The following CIB2 variants were observed in gnomAD, a reference collection of about 807,000 sequenced individuals.
The protein encoded by CIB2 is calcium and integrin-binding family member 2.
Under a neutral mutation model 23.1 loss-of-function variants are expected in CIB2, and 19 were observed. The ratio of observed to expected loss-of-function variants is 0.82; its 90% confidence interval spans 0.57 to 1.21. CIB2 has a LOEUF of 1.21. Among genes scored for constraint, CIB2 ranks in the 50% most tolerant of loss-of-function variants. The probability of loss-of-function intolerance (pLI) is 0.00; values close to 1 mark genes in which losing one functional copy is unlikely to be tolerated. For synonymous variants in CIB2, 94 were observed against 91.7 expected (o/e 1.03, Z -0.14); for missense variants, 220 against 241.5 (o/e 0.91, Z 0.59).
At chr15:78,116,397 TTTGAGGC>T in intron 2 of CIB2, among the ~76,000 whole-genome samples, 1 of 151,800 alleles carries the variant, frequency 6.6e-6, no homozygotes, top group Non-Finnish European at 1.5e-5. Flanking sequence ...AGCCCAGGAG[TTTGAGGC>T]TGCAGTGAGC....
In CIB2 at chr15:78,111,519, C is replaced by A. The variant is rs184303718; in HGVS notation, c.87-243G>T. Among the ~76,000 whole-genome samples, 179 of 152,288 alleles carry A rather than the reference C, an allele frequency of 1.2e-3. 1 individual carries two copies. Among genetic ancestry groups the A allele is most frequent in the Admixed American group, 3.2e-3 (49 of 15,304 alleles). ...GGCCTCCCTATTTCCACCACACCCA[C>A]CCCATCAGCACCACCACCATCACTC... On this transcript the variant is annotated intron_variant, in intron 2 of 5. Transcript: ENST00000258930.
intron 2 of CIB2, 45 bp downstream of exon 2, chr15:78,123,660 G>C (rs2074347127): frequency 1.2e-6 from 2 of 1,609,764 alleles, no homozygotes; most frequent in East Asian, 2.2e-5. Flanking sequence ...CCTCACCCCG[G>C]CCCCAGTCCC....
intron 1 of CIB2, among the ~76,000 whole-genome samples, chr15:78,125,876 G>A (rs1257120699): frequency 2.0e-5 from 3 of 152,144 alleles, no homozygotes; most frequent in African/African-American, 7.2e-5. Flanking sequence ...TGTTTTCAAA[G>A]CCACTCAGGT....
At chr15:78,110,615 T>A (rs144772858) in intron 3 of CIB2, 118 of 453,118 alleles carry the variant, frequency 2.6e-4, no homozygotes, top group African/African-American at 2.2e-3. Context: ...AACGAAACAT[T>A]CAGATATATA....
chr15:78,125,452 C>T (rs917257370), intron 1 of CIB2, among the ~76,000 whole-genome samples: 28 of 152,110 alleles, frequency 1.8e-4, no homozygotes, highest in African/African-American at 6.5e-4. Context: ...CTCTCCTATC[C>T]CATGTGTTGG....
At chr15:78,117,800 A>C (rs1016801098) in intron 2 of CIB2, among the ~76,000 whole-genome samples, 3 of 152,216 alleles carry the variant, frequency 2.0e-5, no homozygotes, top group Admixed American at 6.5e-5. Context: ...CCCCCCTGAC[A>C]GGCAGCTGAG....
At chr15:78,118,588 CAAA>C (rs56911890) in intron 2 of CIB2, among the ~76,000 whole-genome samples, 4 of 102,506 alleles carry the variant, frequency 3.9e-5, no homozygotes, top group Non-Finnish European at 1.9e-5. Context: ...GACTCCGTCT[CAAA>C]AAAAAAAAAA....
rs1229514235 is a variant in CIB2 at position 78,105,946 on chromosome 15, G to C, written c.347-12C>G. 1 of 1,612,430 alleles carries C rather than the reference G, an allele frequency of 6.2e-7. No homozygotes were observed. The highest frequency in any genetic ancestry group is 8.5e-7 in the Non-Finnish European group (1 of 1,178,690). ...GTCAGTGTTGAAGTCTGTAGGGCAG[G>C]GGTTGGACATGTTCAAGTCCAGGCT... is the stretch of plus-strand genomic sequence containing the variant. On this transcript the variant is annotated splice_polypyrimidine_tract_variant and intron_variant, in intron 4 of 5. Transcript: ENST00000258930.
intron 2 of CIB2, among the ~76,000 whole-genome samples, chr15:78,112,510 T>G (rs971830214): frequency 6.6e-6 from 1 of 152,156 alleles, no homozygotes; most frequent in African/African-American, 2.4e-5. Flanking sequence ...GAGGCTGCAG[T>G]GAGCTATGAT....
chr15:78,128,806 C>T (rs533326089), intron 1 of CIB2, among the ~76,000 whole-genome samples: 2 of 152,216 alleles, frequency 1.3e-5, no homozygotes, highest in African/African-American at 4.8e-5. Context: ...AGCAGTCAGA[C>T]CTCCAGTTTG....
intron 1 of CIB2, among the ~76,000 whole-genome samples, chr15:78,124,113 G>C (rs2074353266): frequency 6.6e-6 from 1 of 152,022 alleles, no homozygotes; most frequent in Admixed American, 6.5e-5. Flanking sequence ...TCCGAATGAG[G>C]ACCCACAGGG....
In CIB2 at chr15:78,131,241, C is replaced by T. The variant is rs2074452031; in HGVS notation, c.-26G>A. ...GGTGGCCGCCGCGCCGCCGCTCGCC[C>T]GCCCGGGCTCCGACTCCCATCAGCG... is the stretch of plus-strand genomic sequence containing the variant. On this transcript the variant is annotated 5_prime_UTR_variant, in exon 1 of 6. Coordinates refer to ENST00000258930, the MANE Select transcript of CIB2 (RefSeq NM_006383.4). The surrounding 1 kb of genome is among the most constrained non-coding windows in gnomAD (Gnocchi z 5.8). The T allele has an allele frequency of 4.7e-6, 7 of 1,477,190 alleles. No individual in the cohort carries two copies. The highest frequency in any genetic ancestry group is 1.4e-5 in the African/African-American group (1 of 69,558). The allele number at this position is 1,477,190 out of a possible 1,614,324, so 91.5% of individuals were successfully genotyped here.
chr15:78,116,504 G>T (rs2074243544), intron 2 of CIB2, among the ~76,000 whole-genome samples: 1 of 151,956 alleles, frequency 6.6e-6, no homozygotes, highest in Non-Finnish European at 1.5e-5. Flanking sequence ...GTGCAAAGTG[G>T]ATAAGGTTAT....
chr15:78,105,729 G>A lies in CIB2; in HGVS notation c.542+10C>T, dbSNP rs2074057618. Reference sequence around the variant, plus strand: ...GCCCTGCCCAAGCCCGGCCCCTGTAGTGGCAGCACCTGAGGAAGTCAGGGG... The same window carrying A: ...GCCCTGCCCAAGCCCGGCCCCTGTAATGGCAGCACCTGAGGAAGTCAGGGG... On this transcript the variant is annotated intron_variant, in intron 5 of 5. Coordinates refer to ENST00000258930, the MANE Select transcript of CIB2 (RefSeq NM_006383.4). 2 of 1,613,886 alleles carry A rather than the reference G, an allele frequency of 1.2e-6. No individual in the cohort carries two copies. Among genetic ancestry groups the A allele is most frequent in the Non-Finnish European group, 8.5e-7 (1 of 1,179,920 alleles).
intron 4 of CIB2, among the ~76,000 whole-genome samples, chr15:78,108,325 G>C (rs1252379533): frequency 1.3e-5 from 2 of 152,068 alleles, no homozygotes; most frequent in African/African-American, 2.4e-5. Flanking sequence ...CTTTGACCTT[G>C]ACTCTTCAGG....
At chr15:78,126,147 C>A (rs1276867871) in intron 1 of CIB2, among the ~76,000 whole-genome samples, 3 of 145,092 alleles carry the variant, frequency 2.1e-5, no homozygotes, top group Non-Finnish European at 3.0e-5. Context: ...CCTGCCCCCC[C>A]CCCTTTTTTT....
intron 1 of CIB2, among the ~76,000 whole-genome samples, chr15:78,125,409 C>G (rs1447055478): frequency 6.6e-6 from 1 of 152,152 alleles, no homozygotes; most frequent in African/African-American, 2.4e-5. Context: ...GCTCTCTTCC[C>G]CCCGATCTGT....
intron 1 of CIB2, 110 bp from the exon 2 acceptor site, chr15:78,123,849 G>C (rs1596361515): frequency 8.1e-7 from 1 of 1,228,628 alleles, no homozygotes; most frequent in Non-Finnish European, 1.2e-6. Context: ...ACTGGGGACA[G>C]AAGAGTCACT....
chr15:78,121,388 G>A (rs956598609), intron 2 of CIB2, among the ~76,000 whole-genome samples: 2 of 152,118 alleles, frequency 1.3e-5, no homozygotes, highest in African/African-American at 4.8e-5. Context: ...GAGCCAGGAC[G>A]CCTCTCCTCA....
Sources: allele counts gnomAD v4.1 joint callset (sites outside exome capture counted in the v4.1 genomes callset), GRCh38; gene constraint gnomAD v4.1.1; non-coding constraint Gnocchi (gnomAD v3.1); transcripts MANE v1.5; gene names NCBI Gene and HGNC (gene_info 2026-07-23, HGNC 2026-07-21).